Variants in CLSTN1 observed in about 807,000 individuals in gnomAD.
CLSTN1 encodes the protein calsyntenin-1.
CLSTN1 carries 28 observed loss-of-function variants against 108.3 expected under a neutral mutation model. That is an observed-to-expected ratio of 0.26 (90% CI 0.19 to 0.35). The LOEUF is 0.35. CLSTN1 is among the 10% of genes least tolerant of loss of function. The probability of loss-of-function intolerance (pLI) is 1.00; values close to 1 mark genes in which losing one functional copy is unlikely to be tolerated. For synonymous variants in CLSTN1, 524 were observed against 534.9 expected (o/e 0.98, Z 0.28); for missense variants, 1,157 against 1,302.6 (o/e 0.89, Z 1.72).
At chr1:9,809,755 G>A (rs1294312289) in intron 1 of CLSTN1, among the ~76,000 whole-genome samples, 1 of 151,776 alleles carries the variant, frequency 6.6e-6, no homozygotes, top group Non-Finnish European at 1.5e-5. Context: ...ACAAAAATCA[G>A]CCGGGCGCGG....
At chr1:9,802,624 A>C (rs1156704379) in intron 1 of CLSTN1, among the ~76,000 whole-genome samples, 1 of 152,142 alleles carries the variant, frequency 6.6e-6, no homozygotes, top group African/African-American at 2.4e-5. Context: ...ATAGGGAAAC[A>C]GGGTTAAAGA....
At chr1:9,732,619 T>C (rs183582778) in intron 16 of CLSTN1, among the ~76,000 whole-genome samples, 149 of 152,168 alleles carry the variant, frequency 9.8e-4, no homozygotes, top group African/African-American at 3.5e-3. Context: ...TTGCTAAGAG[T>C]AACTTTGGGT....
chr1:9,808,193 T>A (rs1654585761), intron 1 of CLSTN1, among the ~76,000 whole-genome samples: 1 of 152,200 alleles, frequency 6.6e-6, no homozygotes, highest in Admixed American at 6.5e-5. Context: ...GTGCTTCCCA[T>A]ATGCGGGTGT....
At chr1:9,811,809 A>G (rs567304378) in intron 1 of CLSTN1, among the ~76,000 whole-genome samples, 1 of 152,256 alleles carries the variant, frequency 6.6e-6, no homozygotes, top group Non-Finnish European at 1.5e-5. Flanking sequence ...TCTGTAAGTA[A>G]TAAGAAACTA....
At position 9,770,037 on chromosome 1, in the gene CLSTN1, A is replaced by G. The variant is rs1652594444; in HGVS notation, c.214+3235T>C. On this transcript the variant is annotated intron_variant, in intron 2 of 18. Coordinates refer to ENST00000377298, the MANE Select transcript of CLSTN1 (RefSeq NM_001009566.3). ...AGAGTGAGACTCCGTCTCAAAAAAAAAAAAAAAGGGTGATTTTTGTGGCAT... is the reference window on the plus strand; with the variant it reads ...AGAGTGAGACTCCGTCTCAAAAAAAGAAAAAAAGGGTGATTTTTGTGGCAT... 2.0e-5 allele frequency among the ~76,000 whole-genome samples: 3 copies of G among 152,088 alleles called. No homozygotes were observed. The South Asian group carries it at 6.2e-4, about 32-fold the overall frequency.
chr1:9,731,379 T>C lies in CLSTN1; in HGVS notation c.2575A>G (p.Thr859Ala), dbSNP rs996775430. ...NPHPFAVVPS[T>A]ATVVIVVCVS... Reference sequence around the variant, plus strand: ...CACACCACGATCACAACTGTCGCAGTGCTGGGGACGACTGTGGGAGAATGA... The same window carrying C: ...CACACCACGATCACAACTGTCGCAGCGCTGGGGACGACTGTGGGAGAATGA... Residue 859 changes from threonine (T) to alanine (A), a missense_variant, in exon 18 of 19, where the codon ACT becomes GCT. Thr to Ala is a moderately conservative substitution (Grantham distance 58). Coordinates refer to ENST00000377298, the MANE Select transcript of CLSTN1 (RefSeq NM_001009566.3). 4.3e-6 allele frequency: 7 copies of C among 1,613,844 alleles called. No homozygotes were observed. Among genetic ancestry groups the C allele is most frequent in the Admixed American group, 1.7e-5 (1 of 60,004 alleles).
chr1:9,820,692 A>T (rs1322710330), intron 1 of CLSTN1, among the ~76,000 whole-genome samples: 1 of 152,204 alleles, frequency 6.6e-6, no homozygotes, highest in Non-Finnish European at 1.5e-5. Context: ...CAATACTGGC[A>T]TGCCTCTGGT....
Position 9,729,340 on chromosome 1 carries a change from G to C in CLSTN1, c.*1168C>G, listed in dbSNP as rs1650195699. ...GCTATGTGGGTTTTAGACCATGACTGTTTGTTTGCTCTCCTGCCCTACCAC... is the reference window on the plus strand; with the variant it reads ...GCTATGTGGGTTTTAGACCATGACTCTTTGTTTGCTCTCCTGCCCTACCAC... On this transcript the variant is annotated 3_prime_UTR_variant, in exon 19 of 19. Transcript: ENST00000377298. 1 of 152,350 alleles carries C rather than the reference G, an allele frequency of 6.6e-6. No individual in the cohort carries two copies. The highest frequency in any genetic ancestry group is 1.5e-5 in the Non-Finnish European group (1 of 67,836). The allele number at this position is 152,350 out of a possible 1,614,324, so 9.4% of individuals were successfully genotyped here.
rs780151819 is a variant in CLSTN1 at position 9,737,484 on chromosome 1, A to C, written c.1576+14T>G. 6.2e-7 allele frequency: 1 copy of C among 1,612,148 alleles called. No homozygotes were observed. Among genetic ancestry groups the C allele is most frequent in the East Asian group, 2.2e-5 (1 of 44,882 alleles). On this transcript the variant is annotated intron_variant, in intron 11 of 18. Coordinates refer to ENST00000377298, the MANE Select transcript of CLSTN1 (RefSeq NM_001009566.3). The stretch of plus-strand genomic sequence containing the variant: ...TGAAACACAATAGTGAATGTAGGGA[A>C]AAAATCCAGCAACCTGCAGAGGCCA...
rs1352233575 is a variant in CLSTN1, at chr1:9,734,489, C to G, written c.2111-347G>C. On this transcript the variant is annotated intron_variant, in intron 14 of 18. Coordinates refer to ENST00000377298, the MANE Select transcript of CLSTN1 (RefSeq NM_001009566.3). The surrounding 1 kb of genome is among the most constrained non-coding windows in gnomAD (Gnocchi z 4.8). Reference sequence around the variant, plus strand: ...ATTCGGGAGGCTGAGGCAGGAGAATCGCTTGAACTCAGGAGGTGGATGCTG... The same window carrying G: ...ATTCGGGAGGCTGAGGCAGGAGAATGGCTTGAACTCAGGAGGTGGATGCTG... 2.6e-5 allele frequency among the ~76,000 whole-genome samples: 4 copies of G among 151,436 alleles called. No homozygotes were observed. The highest frequency in any genetic ancestry group is 2.6e-4 in the Admixed American group (4 of 15,198).
chr1:9,757,502 AAGTGC>A (rs1651876842), intron 2 of CLSTN1, among the ~76,000 whole-genome samples: 10 of 152,144 alleles, frequency 6.6e-5, no homozygotes, highest in Non-Finnish European at 1.3e-4. Flanking sequence ...CGGCCTCCCA[AAGTGC>A]TGGGATTACA....
At chr1:9,744,900 C>T (rs1651179146) in intron 7 of CLSTN1, among the ~76,000 whole-genome samples, 1 of 151,946 alleles carries the variant, frequency 6.6e-6, no homozygotes, top group Non-Finnish European at 1.5e-5. Flanking sequence ...ATTACAGGCG[C>T]GCCCCATTAA....
Position 9,731,138 on chromosome 1 carries a change from G to A in CLSTN1, c.2748+68C>T, listed in dbSNP as rs558930244. ...CATGTGAACCTGAAGGAGCCGCGCC[G>A]TACCGGCTTCTCGGAGGCCCTGGCC... On this transcript the variant is annotated intron_variant, in intron 18 of 18. Transcript: ENST00000377298. 5.7e-5 allele frequency: 91 copies of A among 1,582,628 alleles called. No individual in the cohort carries two copies. The African/African-American group carries it at 8.2e-4, about 14-fold the overall frequency.
At chr1:9,776,518 T>C (rs143229243) in intron 1 of CLSTN1, among the ~76,000 whole-genome samples, 1 of 151,792 alleles carries the variant, frequency 6.6e-6, no homozygotes, top group African/African-American at 2.4e-5. Flanking sequence ...TGCTGTAGTT[T>C]ACATTTAAAA....
chr1:9,764,502 T>A (rs1468189372), intron 2 of CLSTN1, among the ~76,000 whole-genome samples: 1 of 151,992 alleles, frequency 6.6e-6, no homozygotes, highest in Non-Finnish European at 1.5e-5. Context: ...CCAGGTATGA[T>A]GGCACAGGCC....
rs1469556343 is a variant in CLSTN1, at chr1:9,745,468, A to T, written c.986-825T>A. ...GCCCAGGAGTTGGAGACCAGCCTGG[A>T]CAACATGGCAAAACCCTGTCAATAC... On this transcript the variant is annotated intron_variant, in intron 7 of 18. Coordinates refer to ENST00000377298, the MANE Select transcript of CLSTN1 (RefSeq NM_001009566.3). 2.0e-5 allele frequency among the ~76,000 whole-genome samples: 3 copies of T among 151,948 alleles called. No homozygotes were observed. The East Asian group carries it at 5.8e-4, about 30-fold the overall frequency.
intron 9 of CLSTN1, among the ~76,000 whole-genome samples, chr1:9,741,489 G>A (rs1217819094): frequency 1.3e-5 from 2 of 152,218 alleles, no homozygotes; most frequent in Non-Finnish European, 2.9e-5. Flanking sequence ...AGCCCAAGTA[G>A]GGAGCTGCCC....
intron 1 of CLSTN1, among the ~76,000 whole-genome samples, chr1:9,778,912 A>C (rs781130177): frequency 2.7e-4 from 41 of 151,936 alleles, no homozygotes; most frequent in Middle Eastern, 6.4e-3. Flanking sequence ...AATACCAGCT[A>C]CTCAGGAGGC....
At chr1:9,800,546 C>A in intron 1 of CLSTN1, among the ~76,000 whole-genome samples, 1 of 142,084 alleles carries the variant, frequency 7.0e-6, no homozygotes, top group East Asian at 2.1e-4. Flanking sequence ...AGTGAAACCC[C>A]GTCTCCACTA....
Sources: gnomAD v4.1 joint callset for allele counts (sites outside exome capture counted in the v4.1 genomes callset) on GRCh38, gnomAD v4.1.1 for gene constraint, Gnocchi (gnomAD v3.1) non-coding constraint, MANE v1.5 for transcripts, NCBI Gene and HGNC (gene_info 2026-07-23, HGNC 2026-07-21) for gene names.